RAI1: variants seen among roughly 807,000 people sequenced by gnomAD.
The protein encoded by RAI1 is retinoic acid induced 1, also known as retinoic acid-induced protein 1.
A neutral mutation model predicts 123.8 loss-of-function variants in RAI1; 9 were observed. That is an observed-to-expected ratio of 0.07 (90% CI 0.04 to 0.13). The LOEUF (loss-of-function observed/expected upper bound fraction) is 0.13. Among genes scored for constraint, RAI1 ranks in the 10% least tolerant of loss-of-function variants. The pLI, the probability that RAI1 is intolerant of heterozygous loss-of-function variation, is 1.00. For synonymous variants in RAI1, 1,231 were observed against 1,127.3 expected (o/e 1.09, Z -1.84); for missense variants, 2,256 against 2,545.8 (o/e 0.89, Z 2.45).
At chr17:17,807,993 C>T (rs1168272145) in intron 4 of RAI1, among the ~76,000 whole-genome samples, 1 of 152,224 alleles carries the variant, frequency 6.6e-6, no homozygotes, top group African/African-American at 2.4e-5. Context: ...GCTGTCCCTG[C>T]CCTGCCTTCT....
chr17:17,798,133 T>C lies in RAI1; in HGVS notation c.5185T>C (p.Cys1729Arg), dbSNP rs1157738885. 3 of 1,613,592 alleles carry C rather than the reference T, an allele frequency of 1.9e-6. No individual in the cohort carries two copies. Among genetic ancestry groups the C allele is most frequent in the Non-Finnish European group, 2.5e-6 (3 of 1,180,046 alleles). The change falls in exon 3 of 6, where the codon TGT becomes CGT. Residue 1729 changes from cysteine to arginine, a missense_variant. Physicochemically the swap from Cys to Arg is radical, Grantham distance 180. Around this residue, in one of 7 missense-constraint regions of RAI1, gnomAD observed 243 missense variants for 316.6 expected, o/e 0.77. Coordinates refer to ENST00000353383, the MANE Select transcript of RAI1 (RefSeq NM_030665.4). ...GGAGAAGGTGCGGCCAGAAGGCACCTGTGAGGAGGCCTCGCTGCCGCTTGA... is the reference window on the plus strand; with the variant it reads ...GGAGAAGGTGCGGCCAGAAGGCACCCGTGAGGAGGCCTCGCTGCCGCTTGA... The part of the protein sequence containing the change: ...LKEKVRPEGT[C>R]EEASLPLERT...
At chr17:17,741,183 G>A (rs565262797) in intron 2 of RAI1, among the ~76,000 whole-genome samples, 8 of 151,946 alleles carry the variant, frequency 5.3e-5, no homozygotes, top group African/African-American at 1.9e-4. Context: ...CTTTCTTTCC[G>A]TCTCTCCCCA....
intron 2 of RAI1, among the ~76,000 whole-genome samples, chr17:17,732,309 C>T (rs1341336358): frequency 6.6e-6 from 1 of 152,114 alleles, no homozygotes; most frequent in East Asian, 1.9e-4. Flanking sequence ...TGTCTGATGG[C>T]AGAGTCCTGG....
intron 1 of RAI1, among the ~76,000 whole-genome samples, chr17:17,699,633 G>A (rs921448091): frequency 8.0e-5 from 12 of 150,552 alleles, no homozygotes; most frequent in South Asian, 2.1e-4. Flanking sequence ...GGGGGCCGGG[G>A]GGGGGGGAAT....
intron 1 of RAI1, among the ~76,000 whole-genome samples, chr17:17,704,054 G>A (rs1299962314): frequency 1.3e-5 from 2 of 152,202 alleles, no homozygotes; most frequent in African/African-American, 4.8e-5. Flanking sequence ...CAGTCAGGGC[G>A]GCAGGCTTGA....
chr17:17,764,582 C>T (rs1388205579), intron 2 of RAI1, among the ~76,000 whole-genome samples: 1 of 151,692 alleles, frequency 6.6e-6, no homozygotes, highest in South Asian at 2.1e-4. Flanking sequence ...AAGCAATTCT[C>T]GTGCCTCGGC....
At chr17:17,803,914 C>G (rs2032542756) in intron 4 of RAI1, 65 bp downstream of exon 4, 5 of 1,463,400 alleles carry the variant, frequency 3.4e-6, no homozygotes, top group Non-Finnish European at 3.8e-6. Context: ...GGGACCCTCC[C>G]TGGGCACAGC....
chr17:17,700,822 C>T (rs1915197834), intron 1 of RAI1, among the ~76,000 whole-genome samples: 1 of 150,668 alleles, frequency 6.6e-6, no homozygotes, highest in African/African-American at 2.5e-5. Context: ...TGCTCCCCCG[C>T]GCCGTCCCCC....
chr17:17,686,792 G>C (rs1402055996), intron 1 of RAI1, among the ~76,000 whole-genome samples: 1 of 151,780 alleles, frequency 6.6e-6, no homozygotes, highest in African/African-American at 2.4e-5. Context: ...AGTGTGCTTA[G>C]GGCCAGGAAG....
chr17:17,811,435 C>T lies in RAI1; in HGVS notation c.*1454C>T, dbSNP rs2032816339. On this transcript the variant is annotated 3_prime_UTR_variant, in exon 6 of 6. Transcript: ENST00000353383. ...AAAAAAAAAAAAGTCAATAAAGATA[C>T]AACGATTGTTTTGGAAAATCTGCAG... is the stretch of plus-strand genomic sequence containing the variant. The T allele has an allele frequency of 5.1e-6, 1 of 194,422 alleles. No homozygotes were observed. The allele number at this position is 194,422 out of a possible 1,614,324, so 12.0% of individuals were successfully genotyped here. A position where few individuals can be genotyped will look rare whatever the true frequency, so the allele number is the denominator to read the frequency against.
At chr17:17,682,699 AGGCCCTAGGCCGTCGC>A (rs1425137448) in intron 1 of RAI1, 2 of 152,170 alleles carry the variant, frequency 1.3e-5, no homozygotes, top group Non-Finnish European at 2.9e-5. Flanking sequence ...AACACCAGCC[AGGCCCTAGGCCGTCGC>A]GGCCCCAGCT....
rs1273004684 is a variant in RAI1 at position 17,783,132 on chromosome 17, C to T, written c.-16-9801C>T. 2.0e-5 allele frequency among the ~76,000 whole-genome samples: 3 copies of T among 152,174 alleles called. No individual in the cohort carries two copies. The East Asian group carries it at 5.8e-4, about 29-fold the overall frequency. On this transcript the variant is annotated intron_variant, in intron 2 of 5. Coordinates refer to ENST00000353383, the MANE Select transcript of RAI1 (RefSeq NM_030665.4). ...GGGAGGCGGGGACGTCCAGGGCCGC[C>T]TCCGCCTCATGGCGAGTGCAGCGCC...
rs550268051 is a variant in RAI1 at position 17,793,554 on chromosome 17, C to G, written c.606C>G (p.Pro202=). The change falls in exon 3 of 6, where the codon CCC becomes CCG. Residue 202 remains proline, a synonymous_variant. Coordinates refer to ENST00000353383, the MANE Select transcript of RAI1 (RefSeq NM_030665.4). ...KLQNDIASPL[P]FPQGTHFPQH... The stretch of plus-strand genomic sequence containing the variant: ...AGAACGACATTGCCTCCCCTCTGCC[C>G]TTCCCCCAGGGTACCCACTTTCCTC... 1 of 1,613,990 alleles carries G rather than the reference C, an allele frequency of 6.2e-7. No homozygotes were observed. The highest frequency in any genetic ancestry group is 8.5e-7 in the Non-Finnish European group (1 of 1,180,010).
chr17:17,706,196 G>A (rs1202565276), intron 1 of RAI1, among the ~76,000 whole-genome samples: 2 of 152,080 alleles, frequency 1.3e-5, no homozygotes, highest in African/African-American at 4.8e-5. Flanking sequence ...TGGGGCGTCA[G>A]ATTTGCAGAG....
At chr17:17,684,696 A>G (rs1232650097) in intron 1 of RAI1, 13 of 126,382 alleles carry the variant, frequency 1.0e-4, no homozygotes, top group Non-Finnish European at 6.3e-5. Flanking sequence ...ATATATATAT[A>G]TATATATATA....
rs777603548 is a variant in RAI1 at position 17,796,830 on chromosome 17, C to G, written c.3882C>G (p.Pro1294=). ...GNGEPATKLP[P]PETPDACLKL... is the part of the protein sequence containing the mutation. ...GCGAGCCTGCCACAAAGCTCCCACC[C>G]CCGGAGACCCCCGATGCCTGCCTCA... Residue 1294 remains proline (P), a synonymous_variant, in exon 3 of 6, where the codon CCC becomes CCG. Coordinates refer to ENST00000353383, the MANE Select transcript of RAI1 (RefSeq NM_030665.4). This position sits in a 1 kb window ranked among gnomAD's most constrained non-coding sequence, Gnocchi z 5.8. The G allele has an allele frequency of 2.5e-6, 4 of 1,611,298 alleles. No homozygotes were observed. Among genetic ancestry groups the G allele is most frequent in the Non-Finnish European group, 3.4e-6 (4 of 1,178,728 alleles).
At chr17:17,805,881 G>A (rs751595672) in intron 4 of RAI1, among the ~76,000 whole-genome samples, 6 of 151,938 alleles carry the variant, frequency 3.9e-5, no homozygotes, top group African/African-American at 7.2e-5. Context: ...TTAACTTAGC[G>A]CCCGCTCCAC....
At chr17:17,786,590 G>GTAGT (rs1240293873) in intron 2 of RAI1, among the ~76,000 whole-genome samples, 16 of 152,370 alleles carry the variant, frequency 1.1e-4, no homozygotes, top group Non-Finnish European at 4.4e-5. Flanking sequence ...TAGAAGCTGT[G>GTAGT]TAGTTATCTG....
intron 2 of RAI1, among the ~76,000 whole-genome samples, chr17:17,749,099 T>C (rs1440694597): frequency 6.6e-6 from 1 of 152,086 alleles, no homozygotes; most frequent in African/African-American, 2.4e-5. Context: ...TTCACAACCA[T>C]CCCCGTCCAG....
Sources: allele counts gnomAD v4.1 joint callset (sites outside exome capture counted in the v4.1 genomes callset), GRCh38; gene constraint gnomAD v4.1.1; regional missense constraint gnomAD v4.1.1; non-coding constraint Gnocchi (gnomAD v3.1); transcripts MANE v1.5; gene names NCBI Gene and HGNC (gene_info 2026-07-23, HGNC 2026-07-21).